C1GALT1: variants seen among roughly 807,000 people sequenced by gnomAD.
C1GALT1 encodes core 1 synthase, glycoprotein-N-acetylgalactosamine 3-beta-galactosyltransferase 1, also known as glycoprotein-N-acetylgalactosamine 3-beta-galactosyltransferase 1.
In C1GALT1, 11 loss-of-function variants were observed where a neutral mutation model predicts 31.0. That is an observed-to-expected ratio of 0.36 (90% confidence interval 0.22 to 0.59). The LOEUF (loss-of-function observed/expected upper bound fraction) is 0.59. Among genes scored for constraint, C1GALT1 ranks in the 20% least tolerant of loss-of-function variants. The pLI is 0.79. For synonymous variants in C1GALT1, 175 were observed against 143.6 expected, an observed-to-expected ratio of 1.22 and a Z score of -1.56; for missense variants, 424 against 425.2, an observed-to-expected ratio of 1.00 and a Z score of 0.03.
chr7:7,179,475 C>G (rs1780545007), upstream of C1GALT1, among the ~76,000 whole-genome samples: 1 of 152,122 alleles, frequency 6.6e-6, no homozygotes, highest in Non-Finnish European at 1.5e-5. Flanking sequence ...GAAACTAAGT[C>G]TATTAAAGAA....
chr7:7,210,110 CA>C (rs1167635555), intron 1 of C1GALT1, among the ~76,000 whole-genome samples: 2 of 152,136 alleles, frequency 1.3e-5, no homozygotes, highest in Non-Finnish European at 1.5e-5. Flanking sequence ...GTGCAGGTCA[CA>C]GGGGATATGA....
intron 1 of C1GALT1, among the ~76,000 whole-genome samples, chr7:7,208,932 A>T (rs1236818448): frequency 4.6e-5 from 7 of 152,166 alleles, no homozygotes; most frequent in Non-Finnish European, 8.8e-5. Flanking sequence ...TTGAAGTTTG[A>T]AGTTTTCAGT....
chr7:7,245,587 G>A lies in C1GALT1; in HGVS notation c.*1860G>A, dbSNP rs189243295. ...GTTAACCATGGACTACTCTGTCCACGTAGTGAAAACATGCACCAGTTTTTA... is the reference window on the plus strand; with the variant it reads ...GTTAACCATGGACTACTCTGTCCACATAGTGAAAACATGCACCAGTTTTTA... On this transcript the variant is annotated 3_prime_UTR_variant, in exon 4 of 4. Coordinates refer to ENST00000436587, the MANE Select transcript of C1GALT1 (RefSeq NM_020156.5). 58 of 152,314 alleles carry A rather than the reference G, an allele frequency of 3.8e-4. No individual in the cohort carries two copies. The highest frequency in any genetic ancestry group is 1.2e-3 in the African/African-American group (48 of 41,556). 9.4% of individuals were successfully genotyped at this position (152,314 alleles called of 1,614,324 possible).
chr7:7,227,216 C>T (rs942438811), intron 1 of C1GALT1, among the ~76,000 whole-genome samples: 1 of 152,064 alleles, frequency 6.6e-6, no homozygotes, highest in South Asian at 2.1e-4. Context: ...TAATATAATT[C>T]CCATTCTGTA....
At chr7:7,202,452 G>GT (rs1186730226) in intron 1 of C1GALT1, among the ~76,000 whole-genome samples, 4 of 152,148 alleles carry the variant, frequency 2.6e-5, no homozygotes, top group African/African-American at 9.7e-5. Flanking sequence ...TGGATATCCA[G>GT]TTTTCCCAGC....
chr7:7,229,907 A>C (rs1447698686), intron 1 of C1GALT1, among the ~76,000 whole-genome samples: 1 of 152,156 alleles, frequency 6.6e-6, no homozygotes, highest in African/African-American at 2.4e-5. Flanking sequence ...TCATCCATGA[A>C]GGCCTACCTT....
At position 7,197,876 on chromosome 7, in the gene C1GALT1, G is replaced by A. The variant is rs369769772; in HGVS notation, c.-18+15056G>A. ...GTGTATAGGAATGCTTGTGATTTTT[G>A]CACATTGATTTTGTATCCTGAGACT... On this transcript the variant is annotated intron_variant, in intron 1 of 3. Coordinates refer to ENST00000436587, the MANE Select transcript of C1GALT1 (RefSeq NM_020156.5). Among the ~76,000 whole-genome samples the A allele has an allele frequency of 1.6e-4, 24 of 152,250 alleles. No individual in the cohort carries two copies. In the East Asian group the frequency reaches 3.9e-3, roughly 24 times the overall value.
chr7:7,211,833 A>G (rs1027090064), intron 1 of C1GALT1, among the ~76,000 whole-genome samples: 1 of 152,210 alleles, frequency 6.6e-6, no homozygotes, highest in Non-Finnish European at 1.5e-5. Flanking sequence ...CAAGCTGCAG[A>G]AGATTACCAC....
intron 1 of C1GALT1, among the ~76,000 whole-genome samples, chr7:7,230,691 TTTAA>T (rs1392011266): frequency 1.3e-5 from 2 of 151,698 alleles, no homozygotes; most frequent in African/African-American, 4.8e-5. Context: ...TGTATTTGAA[TTTAA>T]TTATATTGTT....
At chr7:7,196,060 T>C (rs1316983013) in intron 1 of C1GALT1, among the ~76,000 whole-genome samples, 2 of 152,122 alleles carry the variant, frequency 1.3e-5, no homozygotes, top group African/African-American at 2.4e-5. Flanking sequence ...GTTTTTGTAA[T>C]TTAATTTTAT....
chr7:7,211,685 T>C (rs756032768), intron 1 of C1GALT1, among the ~76,000 whole-genome samples: 23 of 152,226 alleles, frequency 1.5e-4, no homozygotes, highest in Non-Finnish European at 2.9e-4. Flanking sequence ...AGCTTTGGTT[T>C]TATTTTCCTA....
chr7:7,219,943 G>C (rs1782433091), intron 1 of C1GALT1, among the ~76,000 whole-genome samples: 1 of 151,864 alleles, frequency 6.6e-6, no homozygotes, highest in African/African-American at 2.4e-5. Context: ...CTACTTAGTG[G>C]GTATATCTTA....
intron 1 of C1GALT1, 105 bp from the exon 2 acceptor site, chr7:7,234,198 G>A: frequency 1.3e-6 from 1 of 795,040 alleles, no homozygotes; most frequent in African/African-American, 1.7e-5. Context: ...GCTAAATACT[G>A]TTAGAAATTA....
chr7:7,157,614 T>A (rs1422986974), intron 2 of C1GALT1, among the ~76,000 whole-genome samples: 1 of 152,242 alleles, frequency 6.6e-6, no homozygotes, highest in African/African-American at 2.4e-5. Flanking sequence ...GACTGGCTTC[T>A]AAGATTATAT....
At chr7:7,202,200 G>A (rs1215993326) in intron 1 of C1GALT1, among the ~76,000 whole-genome samples, 1 of 152,142 alleles carries the variant, frequency 6.6e-6, no homozygotes, top group African/African-American at 2.4e-5. Flanking sequence ...GCTGTCTCAG[G>A]GGACCAGCAG....
At chr7:7,235,372 G>A (rs1421656731) in intron 2 of C1GALT1, 1 of 152,140 alleles carries the variant, frequency 6.6e-6, no homozygotes, top group East Asian at 1.9e-4. Context: ...GAGGTTGAAT[G>A]GTGAGATTTC....
At chr7:7,191,591 A>G (rs6973022) in intron 1 of C1GALT1, among the ~76,000 whole-genome samples, 5,002 of 152,190 alleles carry the variant, frequency 0.033, 184 homozygotes, top group African/African-American at 0.091. Flanking sequence ...TTACTTTCAT[A>G]CCAATAGTAT....
intron 1 of C1GALT1, among the ~76,000 whole-genome samples, chr7:7,217,709 T>C (rs1229141235): frequency 1.3e-5 from 2 of 152,206 alleles, no homozygotes; most frequent in Admixed American, 6.5e-5. Flanking sequence ...AGTCTCACTC[T>C]GTTGCCCAGG....
intron 1 of C1GALT1, among the ~76,000 whole-genome samples, chr7:7,194,481 C>T (rs1020934305): frequency 6.6e-6 from 1 of 151,990 alleles, no homozygotes; most frequent in Admixed American, 6.6e-5. Flanking sequence ...CAATTATTGA[C>T]TTGGGTATGT....
Sources: gnomAD v4.1 joint callset for allele counts (sites outside exome capture counted in the v4.1 genomes callset) on GRCh38, gnomAD v4.1.1 for gene constraint, MANE v1.5 for transcripts, NCBI Gene and HGNC (gene_info 2026-07-23, HGNC 2026-07-21) for gene names.